LITAF: variants seen among roughly 807,000 people sequenced by gnomAD.
LITAF encodes the protein lipopolysaccharide induced TNF factor, also known as lipopolysaccharide-induced tumor necrosis factor-alpha factor.
Under a neutral mutation model 14.5 loss-of-function variants are expected in LITAF, and 9 were observed. The observed-to-expected ratio is 0.62, with a 90% CI of 0.37 to 1.08. The LOEUF is 1.08. Among genes scored for constraint, LITAF ranks in the 50% least tolerant of loss-of-function variants. LITAF has a pLI of 0.01. For missense variants in LITAF, 206 were observed against 213.4 expected (o/e 0.97, Z 0.22); for synonymous variants, 98 against 88.2 (o/e 1.11, Z -0.62).
intron 3 of LITAF, among the ~76,000 whole-genome samples, chr16:11,606,151 C>G (rs1338122869): frequency 6.6e-6 from 1 of 152,034 alleles, no homozygotes; most frequent in African/African-American, 2.4e-5. Flanking sequence ...TCCCTCTGCC[C>G]CTGGATTTTT....
At chr16:11,616,413 G>C (rs1225053272) in intron 3 of LITAF, among the ~76,000 whole-genome samples, 1 of 151,932 alleles carries the variant, frequency 6.6e-6, no homozygotes, top group Non-Finnish European at 1.5e-5. Flanking sequence ...GGAGGTTGAG[G>C]CTGCAGTGAG....
At chr16:11,618,603 T>C (rs1317975032) in intron 3 of LITAF, among the ~76,000 whole-genome samples, 3 of 152,166 alleles carry the variant, frequency 2.0e-5, no homozygotes, top group African/African-American at 7.2e-5. Context: ...TCTCTGGCCA[T>C]GGAGCCACTG....
intron 1 of LITAF, among the ~76,000 whole-genome samples, chr16:11,596,153 G>A (rs2064884296): frequency 6.6e-6 from 1 of 152,064 alleles, no homozygotes; most frequent in Non-Finnish European, 1.5e-5. Flanking sequence ...CGGGGTGTGG[G>A]ACCATCCCAG....
intron 3 of LITAF, among the ~76,000 whole-genome samples, chr16:11,623,754 G>A (rs774975340): frequency 5.3e-5 from 8 of 151,950 alleles, no homozygotes; most frequent in African/African-American, 1.7e-4. Flanking sequence ...ATTACCTGAG[G>A]TCAGGAGTTC....
upstream of LITAF, chr16:11,587,387 C>G (rs956880042): frequency 2.2e-6 from 1 of 453,942 alleles, no homozygotes; most frequent in Non-Finnish European, 4.4e-6. Flanking sequence ...GGAGGGCGGC[C>G]CTTCTCTTCC....
chr16:11,619,444 G>C (rs781601399), intron 3 of LITAF, among the ~76,000 whole-genome samples: 1 of 152,198 alleles, frequency 6.6e-6, no homozygotes, highest in Non-Finnish European at 1.5e-5. Flanking sequence ...TTCACCCTGT[G>C]GCAAGAAGCT....
intron 3 of LITAF, among the ~76,000 whole-genome samples, chr16:11,620,695 C>G (rs1248780593): frequency 3.3e-5 from 5 of 152,224 alleles, no homozygotes; most frequent in African/African-American, 1.2e-4. Flanking sequence ...GTGAAAGAAT[C>G]AGCAGCACAA....
upstream of LITAF, among the ~76,000 whole-genome samples, chr16:11,638,187 A>G (rs1275762966): frequency 6.8e-6 from 1 of 147,584 alleles, no homozygotes; most frequent in Non-Finnish European, 1.5e-5. Context: ...GAACCTGAGT[A>G]CATCACATCA....
chr16:11,567,897 G>A (rs1238157861), intron 1 of LITAF, among the ~76,000 whole-genome samples: 1 of 151,982 alleles, frequency 6.6e-6, no homozygotes, highest in Non-Finnish European at 1.5e-5. Context: ...GGCAGGAGAA[G>A]TGCTTCAACC....
upstream of LITAF, among the ~76,000 whole-genome samples, chr16:11,602,991 G>A (rs1334313928): frequency 6.6e-6 from 1 of 152,092 alleles, no homozygotes; most frequent in Non-Finnish European, 1.5e-5. Flanking sequence ...GCCCATGCCT[G>A]TAGTCCCAGC....
Position 11,548,704 on chromosome 16 carries a change from G to A in LITAF, c.*933C>T, listed in dbSNP as rs75472256. 2,356 of 453,492 alleles carry A rather than the reference G, an allele frequency of 5.2e-3. 55 individuals are homozygous for A. Among genetic ancestry groups the A allele is most frequent in the African/African-American group, 0.044 (2,184 of 49,960 alleles). The allele number at this position is 453,492 out of a possible 1,614,324, so 28.1% of individuals were successfully genotyped here. Reference sequence around the variant, plus strand: ...TTGAAATTATGTTCAGGCCCAGCATGGTAGCTTATGCCTGCAATCCCAGCA... The same window carrying A: ...TTGAAATTATGTTCAGGCCCAGCATAGTAGCTTATGCCTGCAATCCCAGCA... On this transcript the variant is annotated 3_prime_UTR_variant, in exon 4 of 4. Coordinates refer to ENST00000622633, the MANE Select transcript of LITAF (RefSeq NM_001136472.2).
intron 1 of LITAF, among the ~76,000 whole-genome samples, chr16:11,557,375 G>A (rs759684622): frequency 1.4e-4 from 21 of 152,028 alleles, no homozygotes; most frequent in Non-Finnish European, 2.5e-4. Flanking sequence ...GGTTACAGAG[G>A]TATGTTCAGT....
intron 1 of LITAF, among the ~76,000 whole-genome samples, chr16:11,564,250 G>A (rs982958502): frequency 1.3e-5 from 2 of 151,954 alleles, no homozygotes; most frequent in Non-Finnish European, 2.9e-5. Context: ...CCAGGAACCC[G>A]CAGGGAGAAG....
chr16:11,587,302 G>T (rs573260026), upstream of LITAF: 3 of 411,438 alleles, frequency 7.3e-6, no homozygotes, highest in South Asian at 3.4e-5. Flanking sequence ...CCCTCCCCGC[G>T]CCGCTCCACC....
chr16:11,610,327 G>T (rs1456031103), intron 3 of LITAF, among the ~76,000 whole-genome samples: 4 of 152,208 alleles, frequency 2.6e-5, no homozygotes, highest in African/African-American at 9.6e-5. Flanking sequence ...CCGGCAAGGG[G>T]TCTATTAAGT....
chr16:11,617,364 C>G (rs1480639143), intron 3 of LITAF, among the ~76,000 whole-genome samples: 1 of 150,534 alleles, frequency 6.6e-6, no homozygotes. Context: ...GGCTTCCATT[C>G]TGTCTTATCA....
chr16:11,602,379 T>G (rs575359143), upstream of LITAF, among the ~76,000 whole-genome samples: 6 of 151,970 alleles, frequency 3.9e-5, no homozygotes, highest in Non-Finnish European at 8.8e-5. Context: ...TAATAAGATA[T>G]TCTGCCACTG....
At chr16:11,594,600 G>T (rs2064870209) in intron 1 of LITAF, among the ~76,000 whole-genome samples, 1 of 152,204 alleles carries the variant, frequency 6.6e-6, no homozygotes, top group Non-Finnish European at 1.5e-5. Context: ...TAGAGGCTGG[G>T]CGTGGTGGCT....
upstream of LITAF, among the ~76,000 whole-genome samples, chr16:11,599,081 A>C (rs1378639084): frequency 6.7e-6 from 1 of 150,354 alleles, no homozygotes; most frequent in African/African-American, 2.5e-5. Flanking sequence ...CGGCCTCCCA[A>C]AGTGTTAGGA....
Sources: gnomAD v4.1 joint callset for allele counts (sites outside exome capture counted in the v4.1 genomes callset) on GRCh38, gnomAD v4.1.1 for gene constraint, MANE v1.5 for transcripts, NCBI Gene and HGNC (gene_info 2026-07-23, HGNC 2026-07-21) for gene names.